APOB: variants seen among roughly 807,000 people sequenced by gnomAD.
APOB encodes the protein apolipoprotein B, also known as apolipoprotein B-100.
A neutral mutation model predicts 314.1 loss-of-function variants in APOB; 153 were observed. The ratio of observed to expected loss-of-function variants is 0.49; its 90% CI spans 0.43 to 0.56. APOB has a LOEUF of 0.56. APOB is among the 20% of genes least tolerant of loss of function. The pLI is 0.00. For missense variants in APOB, 5,430 were observed against 5,350.7 expected (o/e 1.01, Z -0.46); for synonymous variants, 2,087 against 2,036.4 (o/e 1.02, Z -0.67).
chr2:21,039,838 G>A (rs1572803374), intron 4 of APOB, among the ~76,000 whole-genome samples: 1 of 152,190 alleles, frequency 6.6e-6, no homozygotes, highest in East Asian at 1.9e-4. Flanking sequence ...GTTAAGTCTT[G>A]GAGAAAATAA....
At chr2:21,039,873 C>T (rs1293764910) in intron 4 of APOB, among the ~76,000 whole-genome samples, 1 of 152,170 alleles carries the variant, frequency 6.6e-6, no homozygotes, top group Non-Finnish European at 1.5e-5. Context: ...AGAAGCCTCA[C>T]AGCCTATTTT....
rs1343510326 is a variant in APOB at position 21,011,249 on chromosome 2, A to T, written c.5619T>A (p.Ala1873=). Residue 1873 remains alanine (A), a synonymous_variant, in exon 26 of 29, where the codon GCT becomes GCA. Transcript: ENST00000233242. Reference sequence around the variant, plus strand: ...TCATGTCAATGGCTGAAGCCAGCCCAGCGATGTCTGTGTTGAGCCGATGGC... The same window carrying T: ...TCATGTCAATGGCTGAAGCCAGCCCTGCGATGTCTGTGTTGAGCCGATGGC... ...EFSHRLNTDI[A]GLASAIDMST... is the part of the protein sequence containing the mutation. 2 of 1,614,122 alleles carry T rather than the reference A, an allele frequency of 1.2e-6. No individual in the cohort carries two copies. The highest frequency in any genetic ancestry group is 2.7e-5 in the African/African-American group (2 of 74,952).
chr2:21,025,738 T>G (rs1024546068), intron 15 of APOB, among the ~76,000 whole-genome samples: 11 of 152,238 alleles, frequency 7.2e-5, no homozygotes, highest in Non-Finnish European at 1.3e-4. Flanking sequence ...ATTACTGCCT[T>G]GCTCTGCAAA....
chr2:21,014,241 T>C (rs1259314115), intron 24 of APOB, among the ~76,000 whole-genome samples: 5 of 152,246 alleles, frequency 3.3e-5, no homozygotes, highest in Non-Finnish European at 7.3e-5. Flanking sequence ...AATCCTCTAA[T>C]GACTTTCTTA....
Position 21,027,981 on chromosome 2 carries a change from T to C in APOB, c.1914A>G (p.Gln638=), listed in dbSNP as rs1269227495. The C allele has an allele frequency of 5.6e-6, 9 of 1,614,064 alleles. No individual in the cohort carries two copies. Among genetic ancestry groups the C allele is most frequent in the South Asian group, 3.3e-5 (3 of 91,074 alleles). The change falls in exon 14 of 29, where the codon CAA becomes CAG. Residue 638 remains glutamine, a synonymous_variant. Transcript: ENST00000233242. ...ATGGAAGAGAAACAGATTTGTAGAG[T>C]TGATAGTTCCGAGAGAATTTTCTGA... ...MDFRKFSRNY[Q]LYKSVSLPSL... is the part of the protein sequence containing the mutation.
rs1332942235 is a variant in APOB, at chr2:21,003,312, G to A, written c.12110C>T (p.Thr4037Ile). 1.9e-6 allele frequency: 3 copies of A among 1,613,008 alleles called. No homozygotes were observed. The Admixed American group carries it at 5.0e-5, about 27-fold the overall frequency. Residue 4037 changes from threonine to isoleucine, a missense_variant, in exon 29 of 29, where the codon ACC becomes ATC. By Grantham distance (89) the Thr-to-Ile change is moderately conservative. This residue lies in a region of APOB where 3,281 missense variants were observed against 3,171.0 expected (regional missense o/e 1.03). Coordinates refer to ENST00000233242, the MANE Select transcript of APOB (RefSeq NM_000384.3). ...SPQSSPDKKLTIFKTELRVRE... is the reference protein window; with the variant it reads ...SPQSSPDKKLIIFKTELRVRE... ...GACCCTCAACTCAGTTTTGAATATG[G>A]TGAGTTTTTTATCTGGAGAGGACTA... is the stretch of plus-strand genomic sequence containing the variant.
At position 21,015,565 on chromosome 2, in the gene APOB, T is replaced by C; in HGVS notation, c.3333-20A>G. ...TCACAACTATGGTAAAGAAAATCAG[T>C]TGGCACCAATGATTTTGTCCTTTCA... On this transcript the variant is annotated intron_variant, in intron 21 of 28. Coordinates refer to ENST00000233242, the MANE Select transcript of APOB (RefSeq NM_000384.3). 1 of 1,609,036 alleles carries C rather than the reference T, an allele frequency of 6.2e-7. No homozygotes were observed. Among genetic ancestry groups the C allele is most frequent in the Non-Finnish European group, 8.5e-7 (1 of 1,179,758 alleles).
intron 3 of APOB, among the ~76,000 whole-genome samples, chr2:21,041,457 G>C (rs1397602554): frequency 6.6e-6 from 1 of 152,206 alleles, no homozygotes. Flanking sequence ...AGCAGGAAGA[G>C]GGCCATCCTT....
At position 21,043,840 on chromosome 2, in the gene APOB, C is replaced by T. The variant is rs1170878059; in HGVS notation, c.82+24G>A. On this transcript the variant is annotated intron_variant, in intron 1 of 28. Transcript: ENST00000233242. ...CCGGCTCCCTCCCGCTCCCTCTGCG[C>T]CCGCAGAGCGGCCGCGCACTCACCG... The T allele has an allele frequency of 5.2e-6, 8 of 1,531,342 alleles. No individual in the cohort carries two copies. The South Asian group carries it at 7.2e-5, about 14-fold the overall frequency. The allele number at this position is 1,531,342 out of a possible 1,614,324, so 94.9% of individuals were successfully genotyped here.
chr2:21,042,514 A>G, intron 2 of APOB, 38 bp from the exon 3 acceptor site: 2 of 1,538,950 alleles, frequency 1.3e-6, no homozygotes, highest in Non-Finnish European at 1.8e-6. Context: ...CATAGCAGAA[A>G]TAGCTCTCCC....
At chr2:21,042,646 A>T (rs12714264) in intron 2 of APOB, among the ~76,000 whole-genome samples, 170 bp from the exon 3 acceptor site, 14,616 of 152,044 alleles carry the variant, frequency 0.096, 955 homozygotes, top group Non-Finnish European at 0.13. Context: ...TGACTTCTCC[A>T]TTATGTTTTT....
In APOB at chr2:21,015,513, C is replaced by G; in HGVS notation, c.3365G>C (p.Gly1122Ala). The change falls in exon 22 of 29, where the codon GGT becomes GCT. Residue 1122 changes from glycine (G) to alanine (A), a missense_variant. This residue lies in a region of APOB where 2,085 missense variants were observed against 2,079.7 expected (regional missense o/e 1.00). Coordinates refer to ENST00000233242, the MANE Select transcript of APOB (RefSeq NM_000384.3). ...TTGCAAACGGGGTATGGAAATAACA[C>G]CCTTGATTTTTCTTTCTTCCTTTGT... is the stretch of plus-strand genomic sequence containing the variant. ...CDTKEERKIK[G>A]VISIPRLQAE... The G allele has an allele frequency of 1.2e-6, 2 of 1,613,810 alleles. No homozygotes were observed. Among genetic ancestry groups the G allele is most frequent in the Non-Finnish European group, 1.7e-6 (2 of 1,180,024 alleles).
intron 18 of APOB, among the ~76,000 whole-genome samples, chr2:21,022,302 T>C (rs1489931617): frequency 2.0e-5 from 3 of 152,122 alleles, no homozygotes; most frequent in Non-Finnish European, 4.4e-5. Context: ...CACATGAATG[T>C]GTCTAAAATA....
chr2:21,029,030 G>A (rs987053476), intron 12 of APOB, among the ~76,000 whole-genome samples: 1 of 152,206 alleles, frequency 6.6e-6, no homozygotes, highest in Non-Finnish European at 1.5e-5. Context: ...CAATCTGGTA[G>A]GTGGACGGTA....
intron 10 of APOB, among the ~76,000 whole-genome samples, chr2:21,031,816 C>T (rs1487549863): frequency 2.6e-5 from 4 of 152,086 alleles, no homozygotes; most frequent in Non-Finnish European, 5.9e-5. Context: ...CATCACTGCA[C>T]TCCAGCCTGG....
intron 4 of APOB, among the ~76,000 whole-genome samples, chr2:21,038,794 A>G (rs1367706304): frequency 6.6e-6 from 1 of 152,236 alleles, no homozygotes; most frequent in Non-Finnish European, 1.5e-5. Context: ...GTGCAAACAG[A>G]GTCATACAAA....
In APOB at chr2:21,003,387, A is replaced by C; in HGVS notation, c.12088-53T>G. 16 of 1,467,258 alleles carry C rather than the reference A, an allele frequency of 1.1e-5. 1 individual carries two copies. The highest frequency in any genetic ancestry group is 2.3e-5 in the South Asian group (2 of 86,790). 90.9% of individuals were successfully genotyped at this position (1,467,258 alleles called of 1,614,324 possible). On this transcript the variant is annotated intron_variant, in intron 28 of 28. Coordinates refer to ENST00000233242, the MANE Select transcript of APOB (RefSeq NM_000384.3). The stretch of plus-strand genomic sequence containing the variant: ...ATGTTTTCAATTACTCCAATTACAC[A>C]ATATAGTACACTAAAACTTCATTAG...
chr2:21,016,051 AG>A (rs1663454872), intron 21 of APOB, among the ~76,000 whole-genome samples: 1 of 152,176 alleles, frequency 6.6e-6, no homozygotes, highest in South Asian at 2.1e-4. Context: ...GCACTTTGGG[AG>A]GCCAAGGCAG....
intron 26 of APOB, 22 bp downstream of exon 26, chr2:21,005,058 G>A: frequency 1.9e-6 from 3 of 1,612,112 alleles, no homozygotes; most frequent in Non-Finnish European, 2.5e-6. Flanking sequence ...GTATCTAGGA[G>A]AGGAGGCAGG....
Sources: gnomAD v4.1 joint callset for allele counts (sites outside exome capture counted in the v4.1 genomes callset) on GRCh38, gnomAD v4.1.1 for gene constraint, gnomAD v4.1.1 regional missense constraint, MANE v1.5 for transcripts, NCBI Gene and HGNC (gene_info 2026-07-23, HGNC 2026-07-21) for gene names.